Variants in NECTIN3 observed in about 807,000 individuals in gnomAD.
NECTIN3 encodes nectin cell adhesion molecule 3.
In NECTIN3, 8 loss-of-function variants were observed where a neutral mutation model predicts 49.4. The observed-to-expected ratio is 0.16, with a 90% CI of 0.10 to 0.29. The LOEUF (loss-of-function observed/expected upper bound fraction) is 0.29. Among genes scored for constraint, NECTIN3 ranks in the 10% least tolerant of loss-of-function variants. The pLI is 1.00. For missense variants in NECTIN3, 581 were observed against 654.6 expected (o/e 0.89, Z 1.23); for synonymous variants, 277 against 241.1 (o/e 1.15, Z -1.38).
chr3:111,145,300 T>A (rs1388357946), intron 6 of NECTIN3, among the ~76,000 whole-genome samples: 1 of 152,206 alleles, frequency 6.6e-6, no homozygotes, highest in African/African-American at 2.4e-5. Context: ...GGTAACATAG[T>A]AATACTTTAT....
chr3:111,111,958 G>A (rs568959761), intron 1 of NECTIN3, 72 bp from the exon 2 acceptor site: 13 of 890,824 alleles, frequency 1.5e-5, no homozygotes, highest in Admixed American at 1.3e-4. Context: ...TACACAGGGG[G>A]TCAGGAAGGG....
intron 6 of NECTIN3, among the ~76,000 whole-genome samples, chr3:111,146,382 G>A (rs1026906295): frequency 2.0e-5 from 3 of 149,078 alleles, no homozygotes; most frequent in African/African-American, 4.9e-5. Flanking sequence ...TGCAGTGAGC[G>A]GAGATCCCGC....
chr3:111,137,954 C>T (rs944392888), downstream of NECTIN3, among the ~76,000 whole-genome samples: 1 of 151,312 alleles, frequency 6.6e-6, no homozygotes, highest in Non-Finnish European at 1.5e-5. Context: ...ATTTAATTCC[C>T]AATCATGAAT....
chr3:111,114,618 G>C lies in NECTIN3; in HGVS notation c.502+2247G>C, dbSNP rs777900859. Among the ~76,000 whole-genome samples the C allele has an allele frequency of 2.6e-5, 4 of 152,252 alleles. No individual in the cohort carries two copies. In the East Asian group the frequency reaches 7.7e-4, roughly 29 times the overall value. Reference sequence around the variant, plus strand: ...TTGGTAGTCAAGAAATATTTCGTAGGAGAAATAGTTGAGTCAGTCCTCAGT... The same window carrying C: ...TTGGTAGTCAAGAAATATTTCGTAGCAGAAATAGTTGAGTCAGTCCTCAGT... On this transcript the variant is annotated intron_variant, in intron 2 of 5. Transcript: ENST00000485303.
chr3:111,175,034 C>T (rs538282219), intron 7 of NECTIN3, among the ~76,000 whole-genome samples: 2 of 152,094 alleles, frequency 1.3e-5, no homozygotes, highest in Admixed American at 6.5e-5. Flanking sequence ...GGGGAGCTGG[C>T]AGCGGGGATG....
At chr3:111,144,890 A>G in intron 5 of NECTIN3, 7 of 1,523,950 alleles carry the variant, frequency 4.6e-6, no homozygotes, top group Non-Finnish European at 6.1e-6. Context: ...AATTTTTGTT[A>G]CTTTACAGAT....
intron 7 of NECTIN3, among the ~76,000 whole-genome samples, chr3:111,172,379 C>T (rs913088213): frequency 1.3e-5 from 2 of 152,080 alleles, no homozygotes; most frequent in Admixed American, 6.6e-5. Flanking sequence ...ATGTTTAGAT[C>T]TTGGATGAGG....
chr3:111,076,476 C>T (rs192356429), intron 1 of NECTIN3, among the ~76,000 whole-genome samples: 6 of 152,102 alleles, frequency 3.9e-5, no homozygotes, highest in African/African-American at 1.4e-4. Flanking sequence ...AATAATGAAA[C>T]TTTAAAGACA....
intron 5 of NECTIN3, among the ~76,000 whole-genome samples, chr3:111,131,063 A>G (rs1576144988): frequency 1.3e-5 from 2 of 152,224 alleles, no homozygotes; most frequent in East Asian, 3.9e-4. Context: ...ATTAAAATGC[A>G]TTATTTCATA....
intron 7 of NECTIN3, among the ~76,000 whole-genome samples, chr3:111,165,030 T>TA: frequency 6.6e-6 from 1 of 152,080 alleles, no homozygotes; most frequent in Admixed American, 6.5e-5. Flanking sequence ...AGATGTTTTT[T>TA]ATTTTTTTAT....
chr3:111,103,026 A>G (rs542182914), intron 1 of NECTIN3, among the ~76,000 whole-genome samples: 2 of 152,270 alleles, frequency 1.3e-5, no homozygotes, highest in South Asian at 2.1e-4. Context: ...TCTTTAGCCA[A>G]TACCACGTGG....
At chr3:111,171,204 A>T (rs546675652) in intron 7 of NECTIN3, among the ~76,000 whole-genome samples, 1 of 152,286 alleles carries the variant, frequency 6.6e-6, no homozygotes, top group Admixed American at 6.5e-5. Flanking sequence ...CATCTATTTG[A>T]GGTAGAATTA....
At chr3:111,109,109 C>G (rs561768577) in intron 1 of NECTIN3, among the ~76,000 whole-genome samples, 1 of 152,072 alleles carries the variant, frequency 6.6e-6, no homozygotes, top group East Asian at 1.9e-4. Context: ...TCACTGTTTC[C>G]TCACATGGCC....
chr3:111,159,726 T>C (rs1206892518), intron 7 of NECTIN3, among the ~76,000 whole-genome samples: 1 of 152,226 alleles, frequency 6.6e-6, no homozygotes, highest in African/African-American at 2.4e-5. Flanking sequence ...ACAATTTTAC[T>C]ACCTCACAAG....
At chr3:111,082,353 G>A (rs1470247445) in intron 1 of NECTIN3, among the ~76,000 whole-genome samples, 2 of 152,036 alleles carry the variant, frequency 1.3e-5, no homozygotes, top group African/African-American at 4.8e-5. Flanking sequence ...TGAATGAGCT[G>A]TTTCAGAGAG....
intron 1 of NECTIN3, among the ~76,000 whole-genome samples, chr3:111,074,459 TA>T (rs1405321655): frequency 3.3e-5 from 5 of 152,162 alleles, no homozygotes; most frequent in Non-Finnish European, 7.4e-5. Context: ...TTATGACATA[TA>T]GATTTTTCCT....
chr3:111,104,139 A>C (rs1343587710), intron 1 of NECTIN3, among the ~76,000 whole-genome samples: 2 of 152,056 alleles, frequency 1.3e-5, no homozygotes, highest in African/African-American at 4.8e-5. Flanking sequence ...AATGTAGGAG[A>C]GTTCTAATTC....
upstream of NECTIN3, among the ~76,000 whole-genome samples, chr3:111,189,663 G>T (rs139357621): frequency 6.6e-6 from 1 of 152,148 alleles, no homozygotes; most frequent in Non-Finnish European, 1.5e-5. Context: ...TTAATATAAG[G>T]TATTTTTTCC....
At chr3:111,172,971 C>T (rs533184300) in intron 7 of NECTIN3, among the ~76,000 whole-genome samples, 25 of 152,228 alleles carry the variant, frequency 1.6e-4, no homozygotes, top group Non-Finnish European at 2.9e-4. Context: ...CACTTATATC[C>T]GGTATGATCT....
Sources: allele counts gnomAD v4.1 joint callset (sites outside exome capture counted in the v4.1 genomes callset), GRCh38; gene constraint gnomAD v4.1.1; transcripts MANE v1.5; gene names NCBI Gene and HGNC (gene_info 2026-07-23, HGNC 2026-07-21).